AGO1: variants seen among roughly 807,000 people sequenced by gnomAD.
The protein encoded by AGO1 is protein argonaute-1.
In AGO1, 11 loss-of-function variants were observed where a neutral mutation model predicts 109.2. That is an observed-to-expected ratio of 0.10 (90% CI 0.06 to 0.17). The LOEUF is 0.17. AGO1 is among the 10% of genes least tolerant of loss of function. The pLI is 1.00. For missense variants in AGO1, 574 were observed against 1,140.3 expected (o/e 0.50, Z 7.15); for synonymous variants, 422 against 418.6 (o/e 1.01, Z -0.10).
rs1487708249 is a variant in AGO1, at chr1:35,927,840, T to C, written c.*8233T>C. On this transcript the variant is annotated 3_prime_UTR_variant, in exon 19 of 19. Transcript: ENST00000373204. The stretch of plus-strand genomic sequence containing the variant: ...AAGAGAGGGCCTTCAGTGTTAGCTG[T>C]GTCTGTCCCTAAAGCCCATGTTTTA... The C allele has an allele frequency of 6.6e-6, 1 of 152,240 alleles. No individual in the cohort carries two copies. Among genetic ancestry groups the C allele is most frequent in the Non-Finnish European group, 1.5e-5 (1 of 68,044 alleles). 9.4% of individuals were successfully genotyped at this position (152,240 alleles called of 1,614,324 possible).
At chr1:35,913,796 G>A in intron 12 of AGO1, 46 bp from the exon 13 acceptor site, 1 of 1,590,644 alleles carries the variant, frequency 6.3e-7, no homozygotes, top group Non-Finnish European at 8.6e-7. Flanking sequence ...TAGGCATTCA[G>A]TAAATATTTG....
At chr1:35,883,179 GCCC>G, upstream of AGO1, 1 of 1,154,490 alleles carries the variant, frequency 8.7e-7, no homozygotes, top group South Asian at 4.3e-5. This position sits in a 1 kb window ranked among gnomAD's most constrained non-coding sequence, Gnocchi z 5.4. Flanking sequence ...GTTCCGGTCC[GCCC>G]CCTGGGCCCG....
Position 35,893,400 on chromosome 1 carries a change from A to C in AGO1, c.512+122A>C. On this transcript the variant is annotated intron_variant, in intron 4 of 18. Coordinates refer to ENST00000373204, the MANE Select transcript of AGO1 (RefSeq NM_012199.5). This position sits in a 1 kb window ranked among gnomAD's most constrained non-coding sequence, Gnocchi z 5.6. ...AAAAAAAAAAATTATTTGAAGCCCT[A>C]CCACTTGCCAGGCAAATGTGTATTT... 1 of 1,108,896 alleles carries C rather than the reference A, an allele frequency of 9.0e-7. No homozygotes were observed. Among genetic ancestry groups the C allele is most frequent in the Non-Finnish European group, 1.3e-6 (1 of 789,196 alleles). 68.7% of individuals were successfully genotyped at this position (1,108,896 alleles called of 1,614,324 possible).
chr1:35,885,086 TAAC>T (rs1645098182), intron 1 of AGO1, among the ~76,000 whole-genome samples: 1 of 151,910 alleles, frequency 6.6e-6, no homozygotes, highest in Non-Finnish European at 1.5e-5. Context: ...TTTTCCCTCT[TAAC>T]AACCAGCCTT....
intron 1 of AGO1, among the ~76,000 whole-genome samples, chr1:35,876,250 CT>C (rs899071125): frequency 4.0e-5 from 6 of 150,084 alleles, no homozygotes; most frequent in African/African-American, 1.5e-4. Context: ...TGAGGAAATC[CT>C]TTTTTTTTGT....
intron 11 of AGO1, among the ~76,000 whole-genome samples, chr1:35,906,209 G>A (rs1303041810): frequency 6.6e-6 from 1 of 152,176 alleles, no homozygotes; most frequent in East Asian, 1.9e-4. Flanking sequence ...AGAACCAGTT[G>A]GGAAGGAGGG....
chr1:35,914,081 G>T lies in AGO1; in HGVS notation c.1742+80G>T, dbSNP rs1367469524. The T allele has an allele frequency of 6.3e-6, 10 of 1,598,476 alleles. 1 individual carries two copies. The Middle Eastern group carries it at 8.3e-4, about 133-fold the overall frequency. On this transcript the variant is annotated intron_variant, in intron 13 of 18. Transcript: ENST00000373204. ...GAAGAGATAGGACCCTGGCCAGGCA[G>T]ACTGAATCAGACATAAGGGGGAGAA...
At chr1:35,872,726 T>G (rs1374937008) in intron 1 of AGO1, among the ~76,000 whole-genome samples, 4 of 151,926 alleles carry the variant, frequency 2.6e-5, no homozygotes, top group Non-Finnish European at 5.9e-5. Flanking sequence ...GATGTACCAC[T>G]GGGCCCAGCT....
Position 35,927,643 on chromosome 1 carries a change from CTTAGA to C in AGO1, c.*8040_*8044del, listed in dbSNP as rs915270251. 2 of 152,178 alleles carry C rather than the reference CTTAGA, an allele frequency of 1.3e-5. No individual in the cohort carries two copies. The highest frequency in any genetic ancestry group is 2.4e-5 in the African/African-American group (1 of 41,432). 9.4% of individuals were successfully genotyped at this position (152,178 alleles called of 1,614,324 possible). A position where few individuals can be genotyped will look rare whatever the true frequency, so the allele number is the denominator to read the frequency against. On this transcript the variant is annotated 3_prime_UTR_variant, in exon 19 of 19. Coordinates refer to ENST00000373204, the MANE Select transcript of AGO1 (RefSeq NM_012199.5). ...AAGTAAGATCATCCATCAGGAGTGG[CTTAGA>C]TTAATGAATTATCCTTTGAGTCGTG... is the stretch of plus-strand genomic sequence containing the variant.
intron 1 of AGO1, among the ~76,000 whole-genome samples, chr1:35,878,021 G>T (rs1369912106): frequency 1.3e-5 from 2 of 151,052 alleles, no homozygotes; most frequent in Admixed American, 1.3e-4. Context: ...TTGCTATGTT[G>T]ATTTGGGGGG....
intron 2 of AGO1, among the ~76,000 whole-genome samples, chr1:35,889,277 G>T (rs978344058): frequency 6.7e-6 from 1 of 149,286 alleles, no homozygotes; most frequent in South Asian, 2.1e-4. Context: ...GCAATGGCGC[G>T]ATCTCAACTC....
At chr1:35,892,775 T>A in intron 3 of AGO1, 98 bp downstream of exon 3, 1 of 1,564,984 alleles carries the variant, frequency 6.4e-7, no homozygotes, top group Non-Finnish European at 8.7e-7. Context: ...TTTCATCTTT[T>A]GTGCTGAGAA....
chr1:35,876,611 G>T (rs1323641242), intron 1 of AGO1, among the ~76,000 whole-genome samples: 2 of 152,158 alleles, frequency 1.3e-5, no homozygotes, highest in Non-Finnish European at 2.9e-5. Flanking sequence ...TTCTTGAGGT[G>T]AAATTGACTC....
intron 1 of AGO1, among the ~76,000 whole-genome samples, chr1:35,870,696 T>C (rs1398011727): frequency 6.6e-6 from 1 of 152,234 alleles, no homozygotes; most frequent in Non-Finnish European, 1.5e-5. Flanking sequence ...TTTTGGTTTT[T>C]TACCTTTATC....
At position 35,914,019 on chromosome 1, in the gene AGO1, C is replaced by T; in HGVS notation, c.1742+18C>T. The T allele has an allele frequency of 6.2e-7, 1 of 1,613,552 alleles. No homozygotes were observed. Among genetic ancestry groups the T allele is most frequent in the African/African-American group, 1.3e-5 (1 of 75,008 alleles). ...CACCAGCGGTATGAACTCTGTTGTC[C>T]ACTTGCCCTTGTCAAGGTACCATGC... On this transcript the variant is annotated intron_variant, in intron 13 of 18. Transcript: ENST00000373204.
At position 35,883,263 on chromosome 1, in the gene AGO1, G is replaced by C; in HGVS notation, c.-159G>C. On this transcript the variant is annotated 5_prime_UTR_variant, in exon 1 of 19. Coordinates refer to ENST00000373204, the MANE Select transcript of AGO1 (RefSeq NM_012199.5). This position sits in a 1 kb window ranked among gnomAD's most constrained non-coding sequence, Gnocchi z 5.4. ...GAGCTGCTGCAGGCTCCGCGGCGGC[G>C]GCAACGGAGGCTGCGGGGGCGGCGG... 1 of 1,361,886 alleles carries C rather than the reference G, an allele frequency of 7.3e-7. No homozygotes were observed. The highest frequency in any genetic ancestry group is 9.5e-7 in the Non-Finnish European group (1 of 1,056,338). The allele number at this position is 1,361,886 out of a possible 1,614,324, so 84.4% of individuals were successfully genotyped here.
At chr1:35,882,717 G>A (rs1645049860), upstream of AGO1, 1 of 706,672 alleles carries the variant, frequency 1.4e-6, no homozygotes, top group Non-Finnish European at 1.7e-6. The surrounding 1 kb of genome is among the most constrained non-coding windows in gnomAD (Gnocchi z 5.1). Context: ...AGCACATGGC[G>A]TGGAAGAGGG....
intron 1 of AGO1, among the ~76,000 whole-genome samples, chr1:35,876,416 G>A (rs890206496): frequency 6.6e-6 from 1 of 151,886 alleles, no homozygotes; most frequent in South Asian, 2.1e-4. Context: ...ACAGGCGCCT[G>A]CCACCATGCC....
At chr1:35,900,970 C>T (rs1006002076) in intron 8 of AGO1, among the ~76,000 whole-genome samples, 4 of 150,656 alleles carry the variant, frequency 2.7e-5, no homozygotes, top group Non-Finnish European at 4.4e-5. Flanking sequence ...GGATCACAAG[C>T]GGTTGAATTG....
Sources: allele counts gnomAD v4.1 joint callset (sites outside exome capture counted in the v4.1 genomes callset), GRCh38; gene constraint gnomAD v4.1.1; non-coding constraint Gnocchi (gnomAD v3.1); transcripts MANE v1.5; gene names NCBI Gene and HGNC (gene_info 2026-07-23, HGNC 2026-07-21).